The following STXBP4 variants were observed in gnomAD, a reference collection of about 807,000 sequenced individuals.
STXBP4 encodes syntaxin-binding protein 4.
A neutral mutation model predicts 76.1 loss-of-function variants in STXBP4; 55 were observed. The observed-to-expected ratio is 0.72, with a 90% CI of 0.58 to 0.91. The LOEUF (loss-of-function observed/expected upper bound fraction) is 0.91. Among genes scored for constraint, STXBP4 ranks in the 40% least tolerant of loss-of-function variants. The pLI is 0.00. For missense variants in STXBP4, 618 were observed against 636.9 expected (o/e 0.97, Z 0.32); for synonymous variants, 201 against 220.2 (o/e 0.91, Z 0.77).
chr17:55,011,778 G>C (rs2787477), intron 8 of STXBP4, among the ~76,000 whole-genome samples: 119,740 of 151,532 alleles, frequency 0.79, 47,934 homozygotes, highest in African/African-American at 0.91. Flanking sequence ...AATGTGGTCA[G>C]CTTCCCAGCT....
intron 13 of STXBP4, among the ~76,000 whole-genome samples, chr17:55,073,394 C>G (rs1363740933): frequency 6.6e-6 from 1 of 152,064 alleles, no homozygotes; most frequent in Non-Finnish European, 1.5e-5. Flanking sequence ...GTTTCTAAAC[C>G]TGCTAATTTG....
At chr17:55,077,013 A>G (rs578260161) in intron 13 of STXBP4, among the ~76,000 whole-genome samples, 3 of 152,222 alleles carry the variant, frequency 2.0e-5, no homozygotes, top group East Asian at 1.9e-4. Context: ...ATCTATTTCA[A>G]TAGTTTCTTG....
chr17:54,985,191 C>T (rs555748449), intron 1 of STXBP4, among the ~76,000 whole-genome samples: 3 of 152,134 alleles, frequency 2.0e-5, no homozygotes, highest in African/African-American at 4.8e-5. Context: ...GTGAAATCAT[C>T]GCCACAATCA....
At chr17:55,116,894 C>A (rs1010370766) in intron 16 of STXBP4, among the ~76,000 whole-genome samples, 18 of 151,616 alleles carry the variant, frequency 1.2e-4, no homozygotes, top group African/African-American at 4.4e-4. Context: ...TAAAATGAGT[C>A]AGCTACATAG....
At chr17:55,121,616 T>C (rs2079844233) in intron 16 of STXBP4, among the ~76,000 whole-genome samples, 1 of 152,210 alleles carries the variant, frequency 6.6e-6, no homozygotes, top group Non-Finnish European at 1.5e-5. Context: ...TTTTTGTTTT[T>C]GTTTTTGTAA....
the STXBP4 span, among the ~76,000 whole-genome samples, chr17:55,184,115 G>T: frequency 6.6e-6 from 1 of 151,902 alleles, no homozygotes; most frequent in Non-Finnish European, 1.5e-5. Flanking sequence ...TCAAAGAACT[G>T]AAATCACCTC....
In STXBP4 at chr17:55,110,703, A is replaced by G. The variant is rs117575750; in HGVS notation, c.1489+29520A>G. On this transcript the variant is annotated intron_variant, in intron 16 of 17. Coordinates refer to ENST00000376352, the MANE Select transcript of STXBP4 (RefSeq NM_178509.6). ...TGTAGCATGAAAGCAGCCATAGATA[A>G]TAAGTAAACAAAGGTGTAGTGTTCC... 3.4e-3 allele frequency among the ~76,000 whole-genome samples: 511 copies of G among 152,342 alleles called. 12 individuals carry two copies. The highest frequency in any genetic ancestry group is 0.025 in the East Asian group (132 of 5,196).
chr17:55,104,140 C>G (rs963065128), intron 16 of STXBP4, among the ~76,000 whole-genome samples: 4 of 152,148 alleles, frequency 2.6e-5, no homozygotes, highest in Non-Finnish European at 4.4e-5. Context: ...CCTGATTTTC[C>G]TAGCCAGAAT....
intron 11 of STXBP4, chr17:55,043,782 C>T (rs1598258237): frequency 4.1e-6 from 3 of 729,996 alleles, no homozygotes; most frequent in Non-Finnish European, 2.2e-6. Context: ...GAAAAAAACA[C>T]ACATATCCCA....
intron 16 of STXBP4, among the ~76,000 whole-genome samples, chr17:55,128,925 C>CT (rs35073950): frequency 0.055 from 4,729 of 86,266 alleles, 237 homozygotes; most frequent in East Asian, 0.15. Context: ...TGTAAGGATT[C>CT]TTTTTTTTTT....
chr17:55,105,283 C>T (rs2079617771), intron 16 of STXBP4, among the ~76,000 whole-genome samples: 1 of 152,152 alleles, frequency 6.6e-6, no homozygotes, highest in East Asian at 1.9e-4. Context: ...TTCCTCTAAA[C>T]ACTGCTTTAG....
Position 54,999,384 on chromosome 17 carries a change from A to T in STXBP4, c.220A>T (p.Asn74Tyr). 1 of 1,612,898 alleles carries T rather than the reference A, an allele frequency of 6.2e-7. No individual in the cohort carries two copies. The highest frequency in any genetic ancestry group is 8.5e-7 in the Non-Finnish European group (1 of 1,179,578). The change falls in exon 5 of 18, where the codon AAC (asparagine) becomes TAC (tyrosine). Residue 74 changes from asparagine to tyrosine, a missense_variant. Asn to Tyr is a moderately radical substitution (Grantham distance 143, BLOSUM62 -2). Coordinates refer to ENST00000376352, the MANE Select transcript of STXBP4 (RefSeq NM_178509.6). ...GCCAGGAGATCAACTTGTCTCAGTC[A>T]ACAAGGAATCTATGATTGGTGTATC... ...LKPGDQLVSV[N>Y]KESMIGVSFE...
the STXBP4 span, among the ~76,000 whole-genome samples, chr17:55,199,664 T>A: frequency 2.0e-5 from 3 of 152,218 alleles, no homozygotes; most frequent in Admixed American, 6.5e-5. Flanking sequence ...TATGTTCAAG[T>A]ATGTTAAGGT....
intron 16 of STXBP4, among the ~76,000 whole-genome samples, chr17:55,102,968 G>T (rs1454538470): frequency 1.3e-5 from 2 of 151,994 alleles, no homozygotes; most frequent in East Asian, 3.9e-4. Flanking sequence ...ACTTTTTGAT[G>T]GGGTTGTTTG....
chr17:55,091,133 A>T (rs1472529470), intron 16 of STXBP4, among the ~76,000 whole-genome samples: 1 of 151,994 alleles, frequency 6.6e-6, no homozygotes, highest in African/African-American at 2.4e-5. Context: ...CATTTTAAAA[A>T]ATCCCTCCAG....
At chr17:55,133,003 T>G (rs1272753537) in intron 16 of STXBP4, among the ~76,000 whole-genome samples, 2 of 151,204 alleles carry the variant, frequency 1.3e-5, no homozygotes, top group African/African-American at 4.9e-5. Context: ...AGAAATGAAG[T>G]CAGAGAAGTT....
rs559360052 is a variant in STXBP4 at position 55,031,034 on chromosome 17, C to T, written c.667-134C>T. ...AGGCACTTAATCCATAAAGAGCTGA[C>T]TTCCCTTGGGTGTTTAATCCTGGTC... On this transcript the variant is annotated intron_variant, in intron 8 of 17. Transcript: ENST00000376352. 47 of 612,410 alleles carry T rather than the reference C, an allele frequency of 7.7e-5. No individual in the cohort carries two copies. The East Asian group carries it at 1.1e-3, about 14-fold the overall frequency. The allele number at this position is 612,410 out of a possible 1,614,324, so 37.9% of individuals were successfully genotyped here. A position where few individuals can be genotyped will look rare whatever the true frequency, so the allele number is the denominator to read the frequency against.
At chr17:55,148,161 A>G (rs2080177444) in intron 17 of STXBP4, among the ~76,000 whole-genome samples, 1 of 152,222 alleles carries the variant, frequency 6.6e-6, no homozygotes, top group South Asian at 2.1e-4. Flanking sequence ...GTCAGAATTC[A>G]TTAATGCCCT....
At chr17:55,134,358 ACTAT>A (rs752225306) in intron 16 of STXBP4, among the ~76,000 whole-genome samples, 2 of 152,078 alleles carry the variant, frequency 1.3e-5, no homozygotes, top group Non-Finnish European at 2.9e-5. Context: ...AACCATGAAA[ACTAT>A]CTCTTACCAT....
Sources: allele counts gnomAD v4.1 joint callset (sites outside exome capture counted in the v4.1 genomes callset), GRCh38; gene constraint gnomAD v4.1.1; transcripts MANE v1.5; gene names NCBI Gene and HGNC (gene_info 2026-07-23, HGNC 2026-07-21).